Variants in EXOC1L observed in about 807,000 individuals in gnomAD.
EXOC1L encodes exocyst complex component 1 like.
EXOC1L carries 10 observed loss-of-function variants against 4.9 expected under a neutral mutation model. The ratio of observed to expected loss-of-function variants is 2.02; its 90% CI spans 1.25 to 3.43. EXOC1L has a LOEUF of 3.43. Ranked by LOEUF, EXOC1L falls within the 30% of genes most tolerant of loss-of-function variation. The pLI is 0.00. For missense variants in EXOC1L, 114 were observed against 59.4 expected, an observed-to-expected ratio of 1.92 and a Z score of -3.02; for synonymous variants, 41 against 20.8, an observed-to-expected ratio of 1.97 and a Z score of -2.63.
chr4:55,835,019 A>G (rs1343866936), intron 2 of EXOC1L, among the ~76,000 whole-genome samples: 1 of 151,758 alleles, frequency 6.6e-6, no homozygotes, highest in African/African-American at 2.4e-5. Flanking sequence ...CCATTGTGTC[A>G]TTCTTATGCT....
chr4:55,825,802 C>T (rs1484607260), intron 1 of EXOC1L, among the ~76,000 whole-genome samples: 1 of 151,720 alleles, frequency 6.6e-6, no homozygotes, highest in Non-Finnish European at 1.5e-5. Context: ...CTCTTTTGGC[C>T]AGGCATGGTG....
chr4:55,825,356 G>A (rs148363493), intron 1 of EXOC1L, among the ~76,000 whole-genome samples: 304 of 152,088 alleles, frequency 2.0e-3, no homozygotes, highest in African/African-American at 6.9e-3. Flanking sequence ...ACATTTGCCC[G>A]GCACTATGGT....
intron 2 of EXOC1L, among the ~76,000 whole-genome samples, chr4:55,834,896 G>A (rs1720121358): frequency 6.6e-6 from 1 of 151,630 alleles, no homozygotes; most frequent in Non-Finnish European, 1.5e-5. Context: ...AAGTTATTTA[G>A]TGGTGATTTC....
chr4:55,822,461 ATCT>A (rs1382507883), intron 1 of EXOC1L, among the ~76,000 whole-genome samples: 2 of 152,220 alleles, frequency 1.3e-5, no homozygotes, highest in African/African-American at 2.4e-5. Flanking sequence ...TAAAAGTAGC[ATCT>A]TCTTATGAAG....
intron 1 of EXOC1L, among the ~76,000 whole-genome samples, chr4:55,825,947 T>C (rs1363848633): frequency 6.6e-6 from 1 of 151,520 alleles, no homozygotes; most frequent in African/African-American, 2.4e-5. Context: ...TAGCTGGGCA[T>C]GGTGGTAGGC....
At chr4:55,837,027 A>G in intron 2 of EXOC1L, 58 bp from the exon 3 acceptor site, 1 of 611,826 alleles carries the variant, frequency 1.6e-6, no homozygotes. Flanking sequence ...GAGAGAATCC[A>G]GGAAACCTAA....
intron 2 of EXOC1L, among the ~76,000 whole-genome samples, chr4:55,833,125 G>A (rs531557300): frequency 1.6e-4 from 24 of 151,820 alleles, no homozygotes; most frequent in African/African-American, 5.5e-4. Context: ...TTGACAATAT[G>A]TTCTACCTAA....
In EXOC1L at chr4:55,836,930, AG is replaced by A. The variant is rs1286885125; in HGVS notation, c.253-153del. Among the ~76,000 whole-genome samples the A allele has an allele frequency of 2.0e-5, 3 of 152,142 alleles. No homozygotes were observed. The South Asian group carries it at 6.2e-4, about 31-fold the overall frequency. Reference sequence around the variant, plus strand: ...TTTTTAGAAGCAATTACTTTGAAGTAGGTAGCTTTGGAAAGCCCATTTGTAG... The same window carrying A: ...TTTTTAGAAGCAATTACTTTGAAGTAGTAGCTTTGGAAAGCCCATTTGTAG... On this transcript the variant is annotated intron_variant, in intron 2 of 2. Transcript: ENST00000636125.
At chr4:55,822,733 G>C (rs1034349374) in intron 1 of EXOC1L, among the ~76,000 whole-genome samples, 1 of 152,132 alleles carries the variant, frequency 6.6e-6, no homozygotes, top group Admixed American at 6.5e-5. Context: ...AGGCTCTTTG[G>C]CCTCAGTGGT....
At chr4:55,829,215 C>T (rs550220896) in intron 1 of EXOC1L, among the ~76,000 whole-genome samples, 2 of 152,288 alleles carry the variant, frequency 1.3e-5, no homozygotes, top group South Asian at 2.1e-4. Flanking sequence ...CAAAACAAAA[C>T]ATTTTTAACA....
At chr4:55,828,057 G>T (rs1025657096) in intron 1 of EXOC1L, among the ~76,000 whole-genome samples, 6 of 152,096 alleles carry the variant, frequency 3.9e-5, no homozygotes, top group African/African-American at 1.4e-4. Context: ...TCTTCTGCTT[G>T]AGGTCCTCTC....
chr4:55,829,187 CT>C (rs1168905030), intron 1 of EXOC1L, among the ~76,000 whole-genome samples: 1 of 152,136 alleles, frequency 6.6e-6, no homozygotes, highest in Non-Finnish European at 1.5e-5. Flanking sequence ...CTACAACAGC[CT>C]CTTAAAACAA....
intron 2 of EXOC1L, 89 bp downstream of exon 2, chr4:55,831,553 A>C (rs1373339878): frequency 1.8e-6 from 1 of 565,438 alleles, no homozygotes; most frequent in Admixed American, 3.3e-5. Context: ...CTTGGCATGT[A>C]CTAAGTGTTA....
chr4:55,822,568 CT>C (rs1719775323), intron 1 of EXOC1L, among the ~76,000 whole-genome samples: 1 of 152,106 alleles, frequency 6.6e-6, no homozygotes. Context: ...TGCTGAAGGA[CT>C]TGACATAGCA....
chr4:55,820,701 C>T (rs866302932), intron 1 of EXOC1L, among the ~76,000 whole-genome samples: 13 of 152,236 alleles, frequency 8.5e-5, no homozygotes, highest in African/African-American at 3.1e-4. Flanking sequence ...GAAGTGTGCT[C>T]ACAAAAACAA....
intron 1 of EXOC1L, among the ~76,000 whole-genome samples, chr4:55,820,665 T>C (rs1428123011): frequency 1.3e-5 from 2 of 152,252 alleles, no homozygotes; most frequent in Non-Finnish European, 2.9e-5. Flanking sequence ...ACAGAAATTA[T>C]ATTTTAAAAC....
rs541521580 is a variant in EXOC1L at position 55,837,298 on chromosome 4, T to C, written c.466T>C (p.Cys156Arg). 1.5e-5 allele frequency: 10 copies of C among 682,184 alleles called. No individual in the cohort carries two copies. The highest frequency in any genetic ancestry group is 2.7e-5 in the East Asian group (1 of 36,860). 42.3% of individuals were successfully genotyped at this position (682,184 alleles called of 1,614,324 possible). A position where few individuals can be genotyped will look rare whatever the true frequency, so the allele number is the denominator to read the frequency against. ...NKDCLVLMRI[C>R]FYAFNLVCLS... ...GGATTGTTTGGTCCTTATGAGAATATGCTTTTACGCTTTCAATCTTGTGTG... is the reference window on the plus strand; with the variant it reads ...GGATTGTTTGGTCCTTATGAGAATACGCTTTTACGCTTTCAATCTTGTGTG... The change falls in exon 3 of 3, where the codon TGC (cysteine) becomes CGC (arginine). Residue 156 changes from cysteine to arginine, a missense_variant. Coordinates refer to ENST00000636125, the MANE Select transcript of EXOC1L (RefSeq NM_001351574.3).
rs555807382 is a variant in EXOC1L, at chr4:55,830,648, C to G, written c.122-686C>G. Among the ~76,000 whole-genome samples, 20 of 152,190 alleles carry G rather than the reference C, an allele frequency of 1.3e-4. No individual in the cohort carries two copies. The South Asian group carries it at 4.1e-3, about 32-fold the overall frequency. On this transcript the variant is annotated intron_variant, in intron 1 of 2. Coordinates refer to ENST00000636125, the MANE Select transcript of EXOC1L (RefSeq NM_001351574.3). ...AAGCATTTCCCTCATTTTGTTCCCA[C>G]AAAATAAGCAAAAATTTTCCCATAT... is the stretch of plus-strand genomic sequence containing the variant.
intron 1 of EXOC1L, among the ~76,000 whole-genome samples, chr4:55,824,242 T>TA (rs998512894): frequency 2.6e-5 from 4 of 151,240 alleles, no homozygotes; most frequent in Non-Finnish European, 5.9e-5. Context: ...CAAGACTCTA[T>TA]ATTTTTTTCA....
Sources: gnomAD v4.1 joint callset for allele counts (sites outside exome capture counted in the v4.1 genomes callset) on GRCh38, gnomAD v4.1.1 for gene constraint, MANE v1.5 for transcripts, NCBI Gene and HGNC (gene_info 2026-07-23, HGNC 2026-07-21) for gene names.